The following PRDM5 variants were observed in gnomAD, a reference collection of about 807,000 sequenced individuals.
PRDM5 encodes PR/SET domain 5.
In PRDM5, 56 loss-of-function variants were observed where a neutral mutation model predicts 81.2. The ratio of observed to expected loss-of-function variants is 0.69; its 90% CI spans 0.56 to 0.86. PRDM5 has a LOEUF of 0.86. Among genes scored for constraint, PRDM5 ranks in the 40% least tolerant of loss-of-function variants. The pLI, the probability that PRDM5 is intolerant of heterozygous loss-of-function variation, is 0.00. For missense variants in PRDM5, 697 were observed against 770.1 expected, an observed-to-expected ratio of 0.91 and a Z score of 1.12; for synonymous variants, 267 against 256.4, an observed-to-expected ratio of 1.04 and a Z score of -0.39.
intron 2 of PRDM5, among the ~76,000 whole-genome samples, chr4:120,870,547 C>T (rs778129142): frequency 6.6e-6 from 1 of 151,822 alleles, no homozygotes; most frequent in African/African-American, 2.4e-5. Context: ...AGGGAGAGGC[C>T]CCTAAGCCAG....
In PRDM5 at chr4:120,809,242, G is replaced by A. The variant is rs533437191; in HGVS notation, c.945+2128C>T. Among the ~76,000 whole-genome samples the A allele has an allele frequency of 8.6e-4, 122 of 142,414 alleles. 1 individual carries two copies. Among genetic ancestry groups the A allele is most frequent in the African/African-American group, 2.8e-3 (110 of 39,528 alleles). The allele number at this position is 142,414 out of a possible 152,430, so 93.4% of individuals were successfully genotyped here. ...GGAACATCACACACCAGGGCCTGTCGTGGGGTGAGGGGAGGGGGGAGGGAT... is the reference window on the plus strand; with the variant it reads ...GGAACATCACACACCAGGGCCTGTCATGGGGTGAGGGGAGGGGGGAGGGAT... On this transcript the variant is annotated intron_variant, in intron 8 of 15. Coordinates refer to ENST00000264808, the MANE Select transcript of PRDM5 (RefSeq NM_018699.4).
intron 10 of PRDM5, among the ~76,000 whole-genome samples, chr4:120,785,742 AC>A (rs1749687247): frequency 6.6e-6 from 1 of 152,190 alleles, no homozygotes; most frequent in African/African-American, 2.4e-5. Context: ...ACTCCAGTTT[AC>A]AAATGATAAA....
intron 7 of PRDM5, among the ~76,000 whole-genome samples, chr4:120,811,966 G>A (rs572011784): frequency 4.6e-5 from 7 of 152,006 alleles, no homozygotes; most frequent in East Asian, 1.9e-4. Context: ...ATAATAGATC[G>A]TATTCATTAT....
chr4:120,890,445 G>A (rs1763917187), intron 2 of PRDM5, among the ~76,000 whole-genome samples: 1 of 152,154 alleles, frequency 6.6e-6, no homozygotes, highest in South Asian at 2.1e-4. Context: ...GGGTAGGAAC[G>A]TATATCTAAA....
At chr4:120,774,841 A>C (rs1237615387) in intron 13 of PRDM5, among the ~76,000 whole-genome samples, 1 of 150,506 alleles carries the variant, frequency 6.6e-6, no homozygotes, top group Non-Finnish European at 1.5e-5. Context: ...TGGACACACA[A>C]ACACATACAC....
intron 15 of PRDM5, among the ~76,000 whole-genome samples, chr4:120,708,222 A>G (rs2149022623): frequency 6.6e-6 from 1 of 152,274 alleles, no homozygotes; most frequent in African/African-American, 2.4e-5. Flanking sequence ...TATTCACAAT[A>G]GTCATAAGGT....
rs548167717 is a variant in PRDM5 at position 120,735,604 on chromosome 4, G to A, written c.1623+18949C>T. On this transcript the variant is annotated intron_variant, in intron 14 of 15. Coordinates refer to ENST00000264808, the MANE Select transcript of PRDM5 (RefSeq NM_018699.4). ...GTCTGGAGGCTGGATGGGAGATACA[G>A]TCTTTTGATTTTAACCACAGATGTT... Among the ~76,000 whole-genome samples the A allele has an allele frequency of 2.6e-5, 4 of 152,278 alleles. No homozygotes were observed. The South Asian group carries it at 8.3e-4, about 32-fold the overall frequency.
chr4:120,869,080 T>C (rs554322675), intron 2 of PRDM5, among the ~76,000 whole-genome samples: 6 of 152,278 alleles, frequency 3.9e-5, no homozygotes, highest in Middle Eastern at 6.8e-3. Flanking sequence ...TCGATCTCTA[T>C]GGCCTGACAG....
intron 14 of PRDM5, among the ~76,000 whole-genome samples, chr4:120,749,810 A>C (rs2149137977): frequency 6.6e-6 from 1 of 152,226 alleles, no homozygotes; most frequent in Non-Finnish European, 1.5e-5. Context: ...GGGGCAGAAA[A>C]CCTGCTCTTG....
intron 13 of PRDM5, among the ~76,000 whole-genome samples, chr4:120,758,407 G>A (rs1007247519): frequency 2.6e-5 from 4 of 152,084 alleles, no homozygotes; most frequent in African/African-American, 9.7e-5. Flanking sequence ...TCATAATGTG[G>A]CCTTACTTGG....
At chr4:120,781,664 C>T (rs998408705) in intron 11 of PRDM5, among the ~76,000 whole-genome samples, 1 of 152,176 alleles carries the variant, frequency 6.6e-6, no homozygotes, top group Admixed American at 6.5e-5. Context: ...GGTGAGTTGC[C>T]TTTGGGCCCC....
chr4:120,903,205 C>T (rs1765406770), intron 2 of PRDM5, among the ~76,000 whole-genome samples: 1 of 152,098 alleles, frequency 6.6e-6, no homozygotes, highest in Non-Finnish European at 1.5e-5. Context: ...GTGGTTAGCA[C>T]CATAGATATG....
intron 14 of PRDM5, among the ~76,000 whole-genome samples, chr4:120,739,044 C>T (rs1741518811): frequency 6.6e-6 from 1 of 152,172 alleles, no homozygotes. Context: ...CTCAACTAAG[C>T]TAGAAAGCCA....
At chr4:120,857,566 G>A (rs1579008906) in intron 2 of PRDM5, among the ~76,000 whole-genome samples, 1 of 152,072 alleles carries the variant, frequency 6.6e-6, no homozygotes, top group South Asian at 2.1e-4. Context: ...ATAATGTGCT[G>A]GTCATTGCTA....
chr4:120,884,042 G>T (rs909108462), intron 2 of PRDM5, among the ~76,000 whole-genome samples: 1 of 152,082 alleles, frequency 6.6e-6, no homozygotes, highest in Non-Finnish European at 1.5e-5. Context: ...AATGCCCCCT[G>T]CATTTATGCC....
intron 3 of PRDM5, among the ~76,000 whole-genome samples, chr4:120,844,434 T>C (rs1007743049): frequency 3.9e-5 from 6 of 152,228 alleles, no homozygotes; most frequent in Non-Finnish European, 8.8e-5. Flanking sequence ...GCTTACTTCA[T>C]GCCTCTGCTA....
chr4:120,761,200 T>G (rs1745556567), intron 13 of PRDM5, among the ~76,000 whole-genome samples: 1 of 152,148 alleles, frequency 6.6e-6, no homozygotes, highest in South Asian at 2.1e-4. Context: ...GTGGGGAATA[T>G]TCAGAAAACA....
chr4:120,782,303 A>T (rs558073024), intron 11 of PRDM5, among the ~76,000 whole-genome samples: 1 of 152,288 alleles, frequency 6.6e-6, no homozygotes, highest in African/African-American at 2.4e-5. Context: ...TAACAAGGCA[A>T]AATTAAGAAT....
chr4:120,838,555 G>A (rs1415459150), intron 3 of PRDM5: 1 of 152,240 alleles, frequency 6.6e-6, no homozygotes, highest in East Asian at 1.9e-4. Flanking sequence ...TTTTGTGGAA[G>A]ACAGTTTTTC....
Sources: gnomAD v4.1 joint callset for allele counts (sites outside exome capture counted in the v4.1 genomes callset) on GRCh38, gnomAD v4.1.1 for gene constraint, MANE v1.5 for transcripts, NCBI Gene and HGNC (gene_info 2026-07-23, HGNC 2026-07-21) for gene names.